Variants in JAKMIP2 observed in about 807,000 individuals in gnomAD.
JAKMIP2 encodes janus kinase and microtubule interacting protein 2, also known as janus kinase and microtubule-interacting protein 2.
A neutral mutation model predicts 115.0 loss-of-function variants in JAKMIP2; 25 were observed. The ratio of observed to expected loss-of-function variants is 0.22; its 90% CI spans 0.16 to 0.30. The LOEUF (loss-of-function observed/expected upper bound fraction) is 0.30. Ranked by LOEUF, JAKMIP2 falls within the 10% of genes least tolerant of loss-of-function variation. The pLI is 1.00. For missense variants in JAKMIP2, 642 were observed against 957.6 expected, an observed-to-expected ratio of 0.67 and a Z score of 4.35; for synonymous variants, 334 against 343.6, an observed-to-expected ratio of 0.97 and a Z score of 0.31.
At chr5:147,747,428 A>C (rs1754388098) in intron 1 of JAKMIP2, among the ~76,000 whole-genome samples, 1 of 152,206 alleles carries the variant, frequency 6.6e-6, no homozygotes, top group Non-Finnish European at 1.5e-5. Flanking sequence ...TGGGCCTGAA[A>C]ACATGAGGAT....
chr5:147,636,152 C>T, intron 12 of JAKMIP2, 70 bp downstream of exon 12: 2 of 1,311,612 alleles, frequency 1.5e-6, no homozygotes, highest in Non-Finnish European at 2.2e-6. Flanking sequence ...CTCCTGAGAG[C>T]ACCCCCTGCT....
chr5:147,657,138 G>C (rs893066199), intron 3 of JAKMIP2, among the ~76,000 whole-genome samples: 3 of 152,130 alleles, frequency 2.0e-5, no homozygotes, highest in African/African-American at 7.2e-5. Context: ...AAATTGGCCG[G>C]GCATGGTGGC....
chr5:147,713,856 C>T (rs755175824), intron 1 of JAKMIP2, among the ~76,000 whole-genome samples: 14 of 152,124 alleles, frequency 9.2e-5, no homozygotes, highest in Non-Finnish European at 1.8e-4. Context: ...TTCAGAGTGC[C>T]ACATTCTAAC....
chr5:147,670,322 A>C (rs1032933026), intron 2 of JAKMIP2, among the ~76,000 whole-genome samples: 1 of 152,198 alleles, frequency 6.6e-6, no homozygotes, highest in African/African-American at 2.4e-5. Flanking sequence ...AAATGGAATA[A>C]ATATATTTGT....
Position 147,611,640 on chromosome 5 carries a change from C to G in JAKMIP2, c.2412+666G>C, listed in dbSNP as rs184467035. Reference sequence around the variant, plus strand: ...GAGCTGTTCCTATTCAGCCATCTTGCTCGGGAATTCCAGGCTTTGGCTTTT... The same window carrying G: ...GAGCTGTTCCTATTCAGCCATCTTGGTCGGGAATTCCAGGCTTTGGCTTTT... On this transcript the variant is annotated intron_variant, in intron 20 of 21. Transcript: ENST00000616793. Among the ~76,000 whole-genome samples the G allele has an allele frequency of 8.3e-4, 127 of 152,290 alleles. 3 individuals carry two copies. Among genetic ancestry groups the G allele is most frequent in the African/African-American group, 3.0e-3 (123 of 41,554 alleles).
chr5:147,674,426 A>G (rs1211106968), intron 1 of JAKMIP2, among the ~76,000 whole-genome samples: 1 of 152,194 alleles, frequency 6.6e-6, no homozygotes, highest in East Asian at 1.9e-4. Flanking sequence ...AAATGCAGAT[A>G]TGAAATGGTA....
chr5:147,706,405 A>C (rs1290367389), intron 1 of JAKMIP2, among the ~76,000 whole-genome samples: 3 of 152,116 alleles, frequency 2.0e-5, no homozygotes, highest in African/African-American at 7.2e-5. Flanking sequence ...GAGATATTCA[A>C]ACTCCTGGAC....
At chr5:147,777,448 T>C (rs1009262745) in intron 1 of JAKMIP2, among the ~76,000 whole-genome samples, 1 of 152,308 alleles carries the variant, frequency 6.6e-6, no homozygotes. Flanking sequence ...GTATGGTCCA[T>C]GTATGAAACT....
At chr5:147,765,474 A>C (rs1180590352) in intron 1 of JAKMIP2, among the ~76,000 whole-genome samples, 1 of 152,072 alleles carries the variant, frequency 6.6e-6, no homozygotes, top group Non-Finnish European at 1.5e-5. Context: ...TAGGGTTTTC[A>C]TTTCCTGCAT....
chr5:147,607,960 T>C (rs1413182687), intron 20 of JAKMIP2, among the ~76,000 whole-genome samples: 1 of 152,192 alleles, frequency 6.6e-6, no homozygotes, highest in African/African-American at 2.4e-5. Flanking sequence ...TTTATTTGCA[T>C]AGAGGTGTTT....
chr5:147,732,793 C>T (rs186406123), intron 1 of JAKMIP2, among the ~76,000 whole-genome samples: 4 of 152,266 alleles, frequency 2.6e-5, no homozygotes, highest in East Asian at 1.9e-4. Context: ...TGGGATCACA[C>T]GATTTAAACC....
In JAKMIP2 at chr5:147,591,598, C is replaced by T. The variant is rs201595769; in HGVS notation, c.*109G>A. 17 of 1,175,692 alleles carry T rather than the reference C, an allele frequency of 1.4e-5. No homozygotes were observed. The highest frequency in any genetic ancestry group is 2.1e-5 in the Non-Finnish European group (17 of 790,900). 72.8% of individuals were successfully genotyped at this position (1,175,692 alleles called of 1,614,324 possible). A position where few individuals can be genotyped will look rare whatever the true frequency, so the allele number is the denominator to read the frequency against. On this transcript the variant is annotated 3_prime_UTR_variant, in exon 22 of 22. Coordinates refer to ENST00000616793, the MANE Select transcript of JAKMIP2 (RefSeq NM_001270941.2). ...TACAGGGTAGTTCTTAGCTTTTGAT[C>T]TCCCTCTCACTGGTGTAAACAATTT...
In JAKMIP2 at chr5:147,743,080, G is replaced by T. The variant is rs146798176; in HGVS notation, c.-149+39376C>A. Among the ~76,000 whole-genome samples, 308 of 152,272 alleles carry T rather than the reference G, an allele frequency of 2.0e-3. 2 individuals are homozygous for T. Among genetic ancestry groups the T allele is most frequent in the African/African-American group, 7.0e-3 (291 of 41,562 alleles). ...CAACTTTACTGAGTACTTATTATGA[G>T]AAATAAATGAGTTTGTTCCATGTTA... On this transcript the variant is annotated intron_variant, in intron 1 of 21. Transcript: ENST00000616793.
intron 18 of JAKMIP2, among the ~76,000 whole-genome samples, chr5:147,619,765 A>C (rs975352807): frequency 2.6e-5 from 4 of 152,110 alleles, no homozygotes; most frequent in African/African-American, 9.7e-5. Context: ...TGGAAGCCTC[A>C]GTTACTGTGG....
intron 1 of JAKMIP2, among the ~76,000 whole-genome samples, chr5:147,752,593 A>G (rs2127025652): frequency 6.6e-6 from 1 of 152,274 alleles, no homozygotes; most frequent in African/African-American, 2.4e-5. Flanking sequence ...AATACTTGCT[A>G]CTGGGCCTTT....
intron 20 of JAKMIP2, among the ~76,000 whole-genome samples, chr5:147,602,692 T>A (rs1320557776): frequency 6.6e-6 from 1 of 152,140 alleles, no homozygotes; most frequent in African/African-American, 2.4e-5. Context: ...CAGGTCAGTT[T>A]TAAAAAAAAT....
chr5:147,714,563 G>A (rs901937629), intron 1 of JAKMIP2, among the ~76,000 whole-genome samples: 14 of 152,306 alleles, frequency 9.2e-5, no homozygotes, highest in African/African-American at 3.4e-4. Context: ...AATGTTGGAA[G>A]AGCTAAAGGC....
At chr5:147,626,914 T>C (rs899643910) in intron 16 of JAKMIP2, among the ~76,000 whole-genome samples, 6 of 152,186 alleles carry the variant, frequency 3.9e-5, no homozygotes, top group Admixed American at 6.5e-5. Flanking sequence ...CTTGCTATCA[T>C]TGCCAGATGA....
intron 1 of JAKMIP2, among the ~76,000 whole-genome samples, chr5:147,728,103 A>T (rs190919140): frequency 1.0e-3 from 154 of 152,294 alleles, no homozygotes; most frequent in Non-Finnish European, 1.8e-3. Flanking sequence ...GGTATCAGAA[A>T]TTACTTCGCA....
Sources: gnomAD v4.1 joint callset for allele counts (sites outside exome capture counted in the v4.1 genomes callset) on GRCh38, gnomAD v4.1.1 for gene constraint, MANE v1.5 for transcripts, NCBI Gene and HGNC (gene_info 2026-07-23, HGNC 2026-07-21) for gene names.